Variants in CSMD1 observed in about 807,000 individuals in gnomAD.
The protein encoded by CSMD1 is CUB and Sushi multiple domains 1.
A neutral mutation model predicts 417.5 loss-of-function variants in CSMD1; 213 were observed. The observed-to-expected ratio is 0.51, with a 90% confidence interval of 0.46 to 0.57. The LOEUF (loss-of-function observed/expected upper bound fraction) is 0.57. Among genes scored for constraint, CSMD1 ranks in the 20% least tolerant of loss-of-function variants. The pLI is 0.00. For synonymous variants in CSMD1, 2,862 were observed against 1,736.8 expected (o/e 1.65, Z -16.11); for missense variants, 6,923 against 4,529.7 (o/e 1.53, Z -15.17).
intron 1 of CSMD1, among the ~76,000 whole-genome samples, chr8:4,986,035 C>T (rs1256019038): frequency 6.6e-6 from 1 of 152,164 alleles, no homozygotes; most frequent in East Asian, 1.9e-4. Flanking sequence ...GCTCGACTAT[C>T]CCAGCTGTAT....
intron 12 of CSMD1, among the ~76,000 whole-genome samples, chr8:3,421,812 A>G (rs1374418810): frequency 6.6e-6 from 1 of 152,092 alleles, no homozygotes; most frequent in East Asian, 1.9e-4. Flanking sequence ...TAATTCTTGT[A>G]TTTTTCGTAC....
chr8:4,684,435 A>C (rs960017858), intron 1 of CSMD1, among the ~76,000 whole-genome samples: 7 of 152,168 alleles, frequency 4.6e-5, no homozygotes, highest in African/African-American at 1.7e-4. Flanking sequence ...TTGCTTTTTG[A>C]AATGGATAAT....
At chr8:3,822,132 G>A (rs1031856492) in intron 5 of CSMD1, among the ~76,000 whole-genome samples, 2 of 151,870 alleles carry the variant, frequency 1.3e-5, no homozygotes, top group African/African-American at 4.8e-5. Context: ...TTTTCTTTAA[G>A]AGCAAAGACG....
chr8:3,255,320 ACC>A (rs1163112399), intron 26 of CSMD1, among the ~76,000 whole-genome samples: 1 of 151,758 alleles, frequency 6.6e-6, no homozygotes, highest in East Asian at 1.9e-4. Flanking sequence ...GGGGACAGGG[ACC>A]CACTTGAGGA....
chr8:4,964,393 C>T (rs112394867), intron 1 of CSMD1, among the ~76,000 whole-genome samples: 1 of 149,462 alleles, frequency 6.7e-6, no homozygotes, highest in African/African-American at 2.5e-5. Context: ...GTGGCATGCA[C>T]CTGTAGTCCC....
chr8:3,345,649 T>C (rs12546513), intron 22 of CSMD1, among the ~76,000 whole-genome samples: 21,221 of 152,140 alleles, frequency 0.14, 1,759 homozygotes, highest in African/African-American at 0.23. Context: ...TTAGAGAAAG[T>C]CTTTGGGATT....
intron 1 of CSMD1, among the ~76,000 whole-genome samples, chr8:4,906,157 G>C (rs1046236345): frequency 6.6e-6 from 1 of 152,154 alleles, no homozygotes; most frequent in South Asian, 2.1e-4. Context: ...TCGCTTCAAA[G>C]GAAGTTTCCT....
At chr8:4,623,871 C>CTA (rs1801932357) in intron 2 of CSMD1, among the ~76,000 whole-genome samples, 1 of 152,068 alleles carries the variant, frequency 6.6e-6, no homozygotes, top group African/African-American at 2.4e-5. Context: ...ACCGGGGTCA[C>CTA]AAGAAAAGTT....
intron 20 of CSMD1, among the ~76,000 whole-genome samples, chr8:3,366,280 G>C (rs191402829): frequency 6.6e-6 from 1 of 152,112 alleles, no homozygotes; most frequent in Non-Finnish European, 1.5e-5. Flanking sequence ...CACTGCAGAG[G>C]TTCTCAGTGT....
At chr8:3,630,903 G>A (rs766088574) in intron 7 of CSMD1, among the ~76,000 whole-genome samples, 1 of 152,194 alleles carries the variant, frequency 6.6e-6, no homozygotes, top group Non-Finnish European at 1.5e-5. Context: ...GTCTGGATTA[G>A]AGAGCCGAGA....
chr8:4,239,006 C>T (rs978646417), intron 3 of CSMD1, among the ~76,000 whole-genome samples: 1 of 152,156 alleles, frequency 6.6e-6, no homozygotes, highest in African/African-American at 2.4e-5. Flanking sequence ...ACTATGGCTA[C>T]AGGATTAGGT....
intron 5 of CSMD1, among the ~76,000 whole-genome samples, chr8:3,929,793 C>T (rs577174275): frequency 1.3e-5 from 2 of 149,512 alleles, no homozygotes; most frequent in African/African-American, 5.0e-5. Flanking sequence ...TCCTGAGTAG[C>T]TGGGACTACA....
At chr8:3,455,307 C>G (rs1305329976) in intron 12 of CSMD1, among the ~76,000 whole-genome samples, 1 of 152,204 alleles carries the variant, frequency 6.6e-6, no homozygotes, top group Non-Finnish European at 1.5e-5. Context: ...CTTCTTCTCT[C>G]AACTCATCAA....
chr8:3,227,437 A>C (rs1368949694), intron 27 of CSMD1, among the ~76,000 whole-genome samples: 1 of 152,146 alleles, frequency 6.6e-6, no homozygotes, highest in Non-Finnish European at 1.5e-5. Context: ...AAGTCCGAGA[A>C]ATATGCGAGT....
At chr8:3,074,156 C>A (rs1813487182) in intron 49 of CSMD1, among the ~76,000 whole-genome samples, 1 of 152,228 alleles carries the variant, frequency 6.6e-6, no homozygotes, top group African/African-American at 2.4e-5. Context: ...GCTGTGGGCT[C>A]TCAGCGTCCA....
intron 3 of CSMD1, among the ~76,000 whole-genome samples, chr8:4,039,024 CT>C (rs1797755830): frequency 6.6e-6 from 1 of 150,758 alleles, no homozygotes. Context: ...TATTAAGTAT[CT>C]TTCCAAAAGA....
At chr8:3,691,875 C>G (rs566364800) in intron 7 of CSMD1, among the ~76,000 whole-genome samples, 1 of 152,138 alleles carries the variant, frequency 6.6e-6, no homozygotes, top group Admixed American at 6.5e-5. Flanking sequence ...GAATTTGAAT[C>G]TATGACTTCT....
chr8:3,591,691 G>C (rs1056832868), intron 8 of CSMD1, among the ~76,000 whole-genome samples: 2 of 152,268 alleles, frequency 1.3e-5, no homozygotes, highest in South Asian at 4.2e-4. Context: ...ATGAGAGATA[G>C]ATGATTGATA....
rs530129965 is a variant in CSMD1 at position 3,671,729 on chromosome 8, G to T, written c.1009+36685C>A. 5.9e-4 allele frequency among the ~76,000 whole-genome samples: 90 copies of T among 151,688 alleles called. 1 individual carries two copies. The highest frequency in any genetic ancestry group is 1.9e-3 in the African/African-American group (78 of 41,376). On this transcript the variant is annotated intron_variant, in intron 7 of 69. Transcript: ENST00000635120. Reference sequence around the variant, plus strand: ...TTATTCGTGTTGCATGCCCAGCACCGGCAGGCTGCCTGGGACACAAAACAG... The same window carrying T: ...TTATTCGTGTTGCATGCCCAGCACCTGCAGGCTGCCTGGGACACAAAACAG...
Sources: allele counts gnomAD v4.1 joint callset (sites outside exome capture counted in the v4.1 genomes callset), GRCh38; gene constraint gnomAD v4.1.1; transcripts MANE v1.5; gene names NCBI Gene and HGNC (gene_info 2026-07-23, HGNC 2026-07-21).